TG: variants seen among roughly 807,000 people sequenced by gnomAD.
The protein encoded by TG is thyroglobulin, also known as thyroid hormones.
TG carries 270 observed loss-of-function variants against 324.7 expected under a neutral mutation model. The observed-to-expected ratio is 0.83, with a 90% CI of 0.75 to 0.92. The LOEUF (loss-of-function observed/expected upper bound fraction) is 0.92. Ranked by LOEUF, TG falls within the 40% of genes least tolerant of loss-of-function variation. The pLI is 0.00. For synonymous variants in TG, 1,401 were observed against 1,327.0 expected (o/e 1.06, Z -1.21); for missense variants, 3,591 against 3,456.4 (o/e 1.04, Z -0.98).
intron 35 of TG, among the ~76,000 whole-genome samples, chr8:132,987,739 T>C (rs201942533): frequency 5.1e-4 from 65 of 127,224 alleles, no homozygotes; most frequent in African/African-American, 1.8e-3. Flanking sequence ...TGTGTGTGCG[T>C]GTGTGTGTGT....
intron 45 of TG, among the ~76,000 whole-genome samples, chr8:133,128,850 T>G (rs1013131571): frequency 6.6e-6 from 1 of 152,226 alleles, no homozygotes; most frequent in Non-Finnish European, 1.5e-5. Flanking sequence ...TCTGGACCTA[T>G]GATTTATCAG....
rs1177957815 is a variant in TG, at chr8:132,941,538, A to G, written c.5229A>G (p.Gln1743=). 6.2e-7 allele frequency: 1 copy of G among 1,614,140 alleles called. No individual in the cohort carries two copies. The highest frequency in any genetic ancestry group is 8.5e-7 in the Non-Finnish European group (1 of 1,180,038). Residue 1743 remains glutamine, a synonymous_variant, in exon 26 of 48, where the codon CAA becomes CAG. Transcript: ENST00000220616. ...ATGGCTTCGTCCTCACACAGGTTCA[A>G]GGAGGTAATGTTGGCAGTGAGGGCC... The part of the protein sequence containing the change: ...CCDGFVLTQV[Q]GGAIICGLLS...
intron 35 of TG, chr8:133,001,965 G>A: frequency 1.0e-6 from 1 of 985,476 alleles, no homozygotes; most frequent in Non-Finnish European, 1.2e-6. Flanking sequence ...TTTGATTGCG[G>A]GAAGAAGGGT....
chr8:133,036,188 G>A (rs895656200), intron 41 of TG, among the ~76,000 whole-genome samples: 1 of 152,308 alleles, frequency 6.6e-6, no homozygotes. Flanking sequence ...CTGCTTGGAG[G>A]CCTTTCCTAA....
intron 45 of TG, among the ~76,000 whole-genome samples, chr8:133,119,518 G>A (rs980710105): frequency 3.3e-5 from 5 of 152,162 alleles, no homozygotes; most frequent in African/African-American, 9.7e-5. Context: ...TGCTTCACAG[G>A]TGGCACCTTC....
chr8:133,073,496 G>A lies in TG; in HGVS notation c.7240-21548G>A, dbSNP rs562257082. 4.0e-3 allele frequency among the ~76,000 whole-genome samples: 601 copies of A among 151,986 alleles called. 4 individuals are homozygous for A. Among genetic ancestry groups the A allele is most frequent in the African/African-American group, 0.014 (573 of 41,442 alleles). On this transcript the variant is annotated intron_variant, in intron 41 of 47. Transcript: ENST00000220616. ...TCCTGTCTCGCCTCCCGAGTAGCTG[G>A]GATTACAGGCACCCGCCACCAAGCC...
intron 41 of TG, among the ~76,000 whole-genome samples, chr8:133,078,368 A>C (rs890812226): frequency 6.6e-6 from 1 of 152,282 alleles, no homozygotes; most frequent in African/African-American, 2.4e-5. Flanking sequence ...TGGACTTCTC[A>C]CAACAGAGGC....
chr8:133,032,300 G>A (rs1836712746), intron 41 of TG, among the ~76,000 whole-genome samples: 1 of 152,168 alleles, frequency 6.6e-6, no homozygotes. Context: ...GGAGAATTGA[G>A]CACAAACATC....
chr8:133,103,858 G>A (rs1211079933), intron 43 of TG, among the ~76,000 whole-genome samples: 1 of 152,230 alleles, frequency 6.6e-6, no homozygotes, highest in East Asian at 1.9e-4. Flanking sequence ...AACCTAAACA[G>A]ATAAAGCTTC....
intron 39 of TG, 22 bp from the exon 40 acceptor site, chr8:133,021,969 C>A (rs1835607736): frequency 6.2e-7 from 1 of 1,613,996 alleles, no homozygotes; most frequent in Non-Finnish European, 8.5e-7. Flanking sequence ...ACTTTAGCCT[C>A]ATGTTTCTCC....
At chr8:133,043,169 G>T (rs143706605) in intron 41 of TG, among the ~76,000 whole-genome samples, 2 of 152,254 alleles carry the variant, frequency 1.3e-5, no homozygotes, top group African/African-American at 4.8e-5. Context: ...CATACTGCGG[G>T]AAGGCGCCAG....
chr8:133,030,357 G>A (rs546509749), intron 41 of TG, among the ~76,000 whole-genome samples: 7 of 152,298 alleles, frequency 4.6e-5, no homozygotes, highest in Admixed American at 1.3e-4. Context: ...CTCACTGTTC[G>A]CAATTCTTCT....
chr8:132,952,891 G>C (rs1195216867), intron 27 of TG, among the ~76,000 whole-genome samples: 2 of 152,296 alleles, frequency 1.3e-5, no homozygotes, highest in East Asian at 3.9e-4. Flanking sequence ...CAGCTTAGGA[G>C]ACCAGTGCTA....
At chr8:133,107,561 G>A (rs138081757) in intron 43 of TG, among the ~76,000 whole-genome samples, 8 of 152,302 alleles carry the variant, frequency 5.3e-5, no homozygotes, top group African/African-American at 1.7e-4. Context: ...ATCTGTGCTC[G>A]GGGCCTCGCC....
At chr8:132,913,388 C>G (rs374266968) in intron 20 of TG, 123 bp downstream of exon 20, 3 of 1,037,640 alleles carry the variant, frequency 2.9e-6, no homozygotes, top group South Asian at 2.7e-5. Flanking sequence ...ATTTAGTTAA[C>G]GAGCAAAAGT....
chr8:132,901,380 G>A lies in TG; in HGVS notation c.3461G>A (p.Ser1154Asn), dbSNP rs1360662478. ...CCAAGCCTCTGCAATGTGCTCAAGA[G>A]TGGAGTCCTCTCCAGGAGAGTCAGC... is the stretch of plus-strand genomic sequence containing the variant. ...QCPSLCNVLK[S>N]GVLSRRVSPG... Residue 1154 changes from serine to asparagine, a missense_variant, in exon 16 of 48, where the codon AGT (serine) becomes AAT (asparagine). Transcript: ENST00000220616. 6.2e-7 allele frequency: 1 copy of A among 1,614,220 alleles called. No homozygotes were observed. The highest frequency in any genetic ancestry group is 8.5e-7 in the Non-Finnish European group (1 of 1,180,046).
At chr8:132,972,137 T>C (rs1829613512) in intron 33 of TG, 1 of 506,464 alleles carries the variant, frequency 2.0e-6, no homozygotes, top group African/African-American at 1.9e-5. Context: ...TTTGTTCATC[T>C]TTCAACACTT....
intron 32 of TG, 59 bp from the exon 33 acceptor site, chr8:132,971,735 A>G: frequency 8.2e-7 from 1 of 1,221,562 alleles, no homozygotes; most frequent in Admixed American, 1.7e-5. Flanking sequence ...CAGCCCACCC[A>G]GTAGGTCCTG....
chr8:133,061,854 T>C (rs886261817), intron 41 of TG, among the ~76,000 whole-genome samples: 3 of 152,200 alleles, frequency 2.0e-5, no homozygotes, highest in African/African-American at 4.8e-5. Context: ...GAGGGAGGTC[T>C]GCACTGCTCC....
Sources: gnomAD v4.1 joint callset for allele counts (sites outside exome capture counted in the v4.1 genomes callset) on GRCh38, gnomAD v4.1.1 for gene constraint, MANE v1.5 for transcripts, NCBI Gene and HGNC (gene_info 2026-07-23, HGNC 2026-07-21) for gene names.